Variants in ZNF423 observed in about 807,000 individuals in gnomAD.
ZNF423 encodes zinc finger protein 423.
A neutral mutation model predicts 95.8 loss-of-function variants in ZNF423; 12 were observed. The ratio of observed to expected loss-of-function variants is 0.13; its 90% CI spans 0.08 to 0.20. ZNF423 has a LOEUF of 0.20. ZNF423 is among the 10% of genes least tolerant of loss of function. The pLI, the probability that ZNF423 is intolerant of heterozygous loss-of-function variation, is 1.00. For missense variants in ZNF423, 1,316 were observed against 1,737.1 expected (o/e 0.76, Z 4.31); for synonymous variants, 749 against 711.9 (o/e 1.05, Z -0.83).
At chr16:49,602,206 G>A (rs965528674) in intron 5 of ZNF423, among the ~76,000 whole-genome samples, 5 of 152,188 alleles carry the variant, frequency 3.3e-5, no homozygotes, top group African/African-American at 4.8e-5. Flanking sequence ...CACTGCCTCC[G>A]CCAGGAAGGC....
In ZNF423 at chr16:49,489,128, C is replaced by T. The variant is rs932346854; in HGVS notation, c.*2147G>A. 6.6e-6 allele frequency: 1 copy of T among 152,374 alleles called. No homozygotes were observed. The highest frequency in any genetic ancestry group is 1.5e-5 in the Non-Finnish European group (1 of 68,050). 9.4% of individuals were successfully genotyped at this position (152,374 alleles called of 1,614,324 possible). ...ACTAATTTAGCCCTACGCCACCAAC[C>T]GTCAAATCGAATCTTCTATTGGTAG... On this transcript the variant is annotated 3_prime_UTR_variant, in exon 8 of 8. Transcript: ENST00000563137.
At chr16:49,834,573 G>A (rs912301289) in intron 1 of ZNF423, among the ~76,000 whole-genome samples, 5 of 152,168 alleles carry the variant, frequency 3.3e-5, no homozygotes, top group Non-Finnish European at 5.9e-5. Context: ...GGAGGCGGTG[G>A]TAGGAGGGAC....
intron 7 of ZNF423, among the ~76,000 whole-genome samples, chr16:49,512,829 C>T (rs956804981): frequency 2.0e-5 from 3 of 152,134 alleles, no homozygotes; most frequent in Non-Finnish European, 4.4e-5. Context: ...GGCACGGTGG[C>T]CCATACATGT....
At chr16:49,677,256 G>T (rs1188901821) in intron 3 of ZNF423, among the ~76,000 whole-genome samples, 1 of 41,620 alleles carries the variant, frequency 2.4e-5, no homozygotes, top group Non-Finnish European at 4.9e-5. Context: ...GATAAGAGAA[G>T]AGAAGAGAAG....
At chr16:49,560,340 A>G (rs1351299474) in intron 5 of ZNF423, among the ~76,000 whole-genome samples, 2 of 152,028 alleles carry the variant, frequency 1.3e-5, no homozygotes, top group Non-Finnish European at 2.9e-5. Context: ...CCAGTTGACA[A>G]TTTTTCTTTC....
intron 3 of ZNF423, among the ~76,000 whole-genome samples, chr16:49,677,280 A>AGAGAAGAGAT (rs2031117954): frequency 1.2e-5 from 1 of 83,492 alleles, no homozygotes; most frequent in African/African-American, 4.6e-5. Flanking sequence ...AGAGAAGAGA[A>AGAGAAGAGAT]GAGAAGAGAA....
intron 5 of ZNF423, among the ~76,000 whole-genome samples, chr16:49,615,165 C>CACACACACACAT (rs1555512465): frequency 6.6e-6 from 1 of 151,360 alleles, no homozygotes; most frequent in Non-Finnish European, 1.5e-5. Flanking sequence ...CACACACACA[C>CACACACACACAT]GGGGCAGGGG....
At chr16:49,790,898 T>C (rs1268971031) in intron 1 of ZNF423, among the ~76,000 whole-genome samples, 1 of 152,154 alleles carries the variant, frequency 6.6e-6, no homozygotes, top group African/African-American at 2.4e-5. Context: ...ACTGCCCCCA[T>C]AATAATGTCA....
At chr16:49,571,184 T>C (rs1970343361) in intron 5 of ZNF423, among the ~76,000 whole-genome samples, 1 of 152,222 alleles carries the variant, frequency 6.6e-6, no homozygotes, top group Admixed American at 6.5e-5. Flanking sequence ...AATAAATATC[T>C]ACTAAGCACC....
At chr16:49,569,599 A>T (rs1970297264) in intron 5 of ZNF423, among the ~76,000 whole-genome samples, 1 of 152,162 alleles carries the variant, frequency 6.6e-6, no homozygotes, top group Non-Finnish European at 1.5e-5. Context: ...TGCAACAGCC[A>T]TGGAGAATGG....
chr16:49,511,396 C>T (rs1000602817), intron 7 of ZNF423, among the ~76,000 whole-genome samples: 2 of 152,240 alleles, frequency 1.3e-5, no homozygotes, highest in African/African-American at 4.8e-5. Flanking sequence ...TGCCTCAGCC[C>T]GCAGGCTGCG....
chr16:49,611,217 G>A (rs1021687406), intron 5 of ZNF423, among the ~76,000 whole-genome samples: 3 of 151,946 alleles, frequency 2.0e-5, no homozygotes, highest in Non-Finnish European at 4.4e-5. Context: ...TTTCAAATGC[G>A]TAGAGAACAA....
rs180848691 is a variant in ZNF423 at position 49,802,755 on chromosome 16, C to T, written c.41-13209G>A. ...TTTGCTTATTGTTTCCTAGAACAAA[C>T]GTCTCTTTCTTTCTGTAAAAGTTTC... On this transcript the variant is annotated intron_variant, in intron 1 of 7. Coordinates refer to ENST00000563137, the MANE Select transcript of ZNF423 (RefSeq NM_001379286.1). 5.3e-5 allele frequency among the ~76,000 whole-genome samples: 8 copies of T among 152,094 alleles called. No homozygotes were observed. In the East Asian group the frequency reaches 5.8e-4, roughly 11 times the overall value.
intron 7 of ZNF423, among the ~76,000 whole-genome samples, chr16:49,521,397 C>G (rs1023438022): frequency 1.3e-5 from 2 of 152,190 alleles, no homozygotes; most frequent in Non-Finnish European, 2.9e-5. Context: ...GGTAGCTGGG[C>G]CACTCAGGTA....
chr16:49,683,415 C>T (rs558932380), intron 3 of ZNF423, among the ~76,000 whole-genome samples: 1 of 152,206 alleles, frequency 6.6e-6, no homozygotes, highest in South Asian at 2.1e-4. Flanking sequence ...TCTTTGGAAT[C>T]GCAAATTTCA....
At chr16:49,789,434 G>A (rs180971265) in intron 2 of ZNF423, 53 bp downstream of exon 2, 2 of 1,565,584 alleles carry the variant, frequency 1.3e-6, no homozygotes, top group Middle Eastern at 1.7e-4. Context: ...CTGAGTTCCT[G>A]GGCCAGCCCC....
intron 5 of ZNF423, among the ~76,000 whole-genome samples, chr16:49,545,550 C>A (rs1469565883): frequency 6.6e-6 from 1 of 152,222 alleles, no homozygotes; most frequent in Non-Finnish European, 1.5e-5. Context: ...CTGTTCAGCA[C>A]CGAGCCTCCG....
At chr16:49,746,005 G>A (rs1342822568) in intron 2 of ZNF423, among the ~76,000 whole-genome samples, 1 of 152,160 alleles carries the variant, frequency 6.6e-6, no homozygotes, top group Non-Finnish European at 1.5e-5. Context: ...GAGGACAGGT[G>A]CAGGGGGATC....
chr16:49,717,192 G>A (rs144861108), intron 3 of ZNF423, among the ~76,000 whole-genome samples: 124 of 152,186 alleles, frequency 8.1e-4, no homozygotes, highest in African/African-American at 2.9e-3. Context: ...TGGAGAAAGG[G>A]GTGGACAGGT....
Sources: allele counts gnomAD v4.1 joint callset (sites outside exome capture counted in the v4.1 genomes callset), GRCh38; gene constraint gnomAD v4.1.1; transcripts MANE v1.5; gene names NCBI Gene and HGNC (gene_info 2026-07-23, HGNC 2026-07-21).